SEC63: variants seen among roughly 807,000 people sequenced by gnomAD.
SEC63 encodes SEC63 protein translocation regulator.
In SEC63, 56 loss-of-function variants were observed where a neutral mutation model predicts 116.2. The ratio of observed to expected loss-of-function variants is 0.48; its 90% CI spans 0.39 to 0.60. SEC63 has a LOEUF of 0.60. SEC63 is among the 20% of genes least tolerant of loss of function. The probability of loss-of-function intolerance (pLI) is 0.00; values close to 1 mark genes in which losing one functional copy is unlikely to be tolerated. For missense variants in SEC63, 668 were observed against 900.0 expected, an observed-to-expected ratio of 0.74 and a Z score of 3.30; for synonymous variants, 273 against 294.6, an observed-to-expected ratio of 0.93 and a Z score of 0.75.
intron 14 of SEC63, 25 bp from the exon 15 acceptor site, chr6:107,893,922 A>G (rs1236813647): frequency 6.2e-7 from 1 of 1,611,040 alleles, no homozygotes; most frequent in Non-Finnish European, 8.5e-7. Context: ...GAAGAGAAAT[A>G]CAAAATCTGT....
At chr6:107,875,992 G>C (rs1786254964) in intron 19 of SEC63, among the ~76,000 whole-genome samples, 1 of 151,854 alleles carries the variant, frequency 6.6e-6, no homozygotes, top group African/African-American at 2.4e-5. Flanking sequence ...ACATCATAGG[G>C]CTATCTTGAA....
At chr6:107,931,114 G>A (rs1407143779) in intron 1 of SEC63, among the ~76,000 whole-genome samples, 1 of 151,976 alleles carries the variant, frequency 6.6e-6, no homozygotes, top group Non-Finnish European at 1.5e-5. Context: ...CGGATCACGA[G>A]GTCAGGAATT....
In SEC63 at chr6:107,869,467, CA is replaced by C. The variant is rs1303190315; in HGVS notation, c.*2236del. The stretch of plus-strand genomic sequence containing the variant: ...GATCTATAGGCTCATCAATTGTTGA[CA>C]AAATGTCAGTTTCTTTATAGGAAGA... On this transcript the variant is annotated 3_prime_UTR_variant, in exon 21 of 21. Transcript: ENST00000369002. The C allele has an allele frequency of 6.6e-6, 1 of 152,132 alleles. No individual in the cohort carries two copies. The highest frequency in any genetic ancestry group is 6.5e-5 in the Admixed American group (1 of 15,270). 9.4% of individuals were successfully genotyped at this position (152,132 alleles called of 1,614,324 possible). A position where few individuals can be genotyped will look rare whatever the true frequency, so the allele number is the denominator to read the frequency against.
chr6:107,871,954 G>T, intron 20 of SEC63, 107 bp from the exon 21 acceptor site: 1 of 1,063,890 alleles, frequency 9.4e-7, no homozygotes, highest in Non-Finnish European at 1.4e-6. Flanking sequence ...CAAAGAAATA[G>T]TTTTTTATGG....
chr6:107,898,421 T>C (rs150408643), intron 13 of SEC63, among the ~76,000 whole-genome samples: 15 of 152,286 alleles, frequency 9.8e-5, no homozygotes, highest in Admixed American at 3.9e-4. Context: ...AAAATAGGGT[T>C]CTGTCACCCT....
At chr6:107,900,772 C>T (rs922134135) in intron 13 of SEC63, among the ~76,000 whole-genome samples, 8 of 152,154 alleles carry the variant, frequency 5.3e-5, no homozygotes, top group Non-Finnish European at 1.0e-4. Flanking sequence ...CAGACCACCA[C>T]CACAATGAAA....
intron 1 of SEC63, 45 bp from the exon 2 acceptor site, chr6:107,929,559 A>T: frequency 1.7e-6 from 2 of 1,170,024 alleles, no homozygotes; most frequent in Non-Finnish European, 2.6e-6. Context: ...CATTTTTCAC[A>T]AGTGAAGGTA....
At chr6:107,906,335 C>A in intron 10 of SEC63, 113 bp downstream of exon 10, 1 of 1,144,804 alleles carries the variant, frequency 8.7e-7, no homozygotes, top group Middle Eastern at 2.0e-4. Flanking sequence ...ATTACCCAGC[C>A]TCAGGTATTT....
chr6:107,901,196 A>G (rs1264083549), intron 13 of SEC63, among the ~76,000 whole-genome samples, 174 bp downstream of exon 13: 2 of 152,236 alleles, frequency 1.3e-5, no homozygotes, highest in Non-Finnish European at 2.9e-5. Flanking sequence ...TTCTCAAACT[A>G]TTAGGTATAA....
intron 1 of SEC63, among the ~76,000 whole-genome samples, chr6:107,953,822 C>T (rs7775291): frequency 0.68 from 78,056 of 114,708 alleles, 26,933 homozygotes; most frequent in Middle Eastern, 0.88. Flanking sequence ...CCCGGCCAGC[C>T]GCCCCGTCCG....
In SEC63 at chr6:107,957,862, C is replaced by T. The variant is rs1444478706; in HGVS notation, c.124+24G>A. 3.1e-6 allele frequency: 5 copies of T among 1,600,576 alleles called. No individual in the cohort carries two copies. The African/African-American group carries it at 4.1e-5, about 13-fold the overall frequency. On this transcript the variant is annotated intron_variant, in intron 1 of 20. Transcript: ENST00000369002. ...CGCTGGCGGGGCCTGCGCGGGTTCG[C>T]GGGCAAAGGCCGGCGGGACTCACCG... is the stretch of plus-strand genomic sequence containing the variant.
At chr6:107,950,196 C>T (rs917397413) in intron 1 of SEC63, among the ~76,000 whole-genome samples, 4 of 152,244 alleles carry the variant, frequency 2.6e-5, no homozygotes, top group Admixed American at 1.3e-4. Context: ...AAAGACATTA[C>T]ATATTAGTAA....
At chr6:107,908,861 T>C (rs113064976) in intron 8 of SEC63, 66 bp downstream of exon 8, 11 of 833,800 alleles carry the variant, frequency 1.3e-5, no homozygotes, top group African/African-American at 6.7e-5. Flanking sequence ...TTAAGGAATA[T>C]ATATCAACCC....
chr6:107,900,033 GGT>G (rs1209839003), intron 13 of SEC63, among the ~76,000 whole-genome samples: 2 of 152,114 alleles, frequency 1.3e-5, no homozygotes, highest in African/African-American at 4.8e-5. Flanking sequence ...ATAAGCAGAG[GGT>G]ATGTCTTACC....
Position 107,906,451 on chromosome 6 carries a change from C to T in SEC63, c.958G>A (p.Glu320Lys), listed in dbSNP as rs749842172. 1.2e-6 allele frequency: 2 copies of T among 1,614,152 alleles called. No homozygotes were observed. Among genetic ancestry groups the T allele is most frequent in the Admixed American group, 3.3e-5 (2 of 60,024 alleles). ...ARMKIPETLE[E>K]DQQFMLKKCP... ...TAGATACCGGAATCACAAATACCTTCTTCAAGGGTCTCAGGAATTTTCATT... is the reference window on the plus strand; with the variant it reads ...TAGATACCGGAATCACAAATACCTTTTTCAAGGGTCTCAGGAATTTTCATT... The change falls in exon 10 of 21, where the codon GAA (glutamate) becomes AAA (lysine). Residue 320 changes from glutamate to lysine, a missense_variant. Physicochemically the swap from Glu to Lys is moderately conservative, Grantham distance 56. Coordinates refer to ENST00000369002, the MANE Select transcript of SEC63 (RefSeq NM_007214.5).
At chr6:107,906,386 G>A in intron 10 of SEC63, 62 bp downstream of exon 10, 1 of 1,550,856 alleles carries the variant, frequency 6.4e-7, no homozygotes, top group Admixed American at 1.7e-5. Context: ...ACACCATTAA[G>A]TCTAATTAAT....
At position 107,908,944 on chromosome 6, in the gene SEC63, C is replaced by T. The variant is rs1390760328; in HGVS notation, c.716G>A (p.Arg239Gln). The T allele has an allele frequency of 5.0e-6, 8 of 1,603,672 alleles. No homozygotes were observed. Among genetic ancestry groups the T allele is most frequent in the African/African-American group, 1.3e-5 (1 of 74,634 alleles). The change falls in exon 8 of 21, where the codon CGA becomes CAA. Residue 239 changes from arginine to glutamine, a missense_variant. Around this residue, in one of 5 missense-constraint regions of SEC63, gnomAD observed 430 missense variants for 557.5 expected, o/e 0.77. Coordinates refer to ENST00000369002, the MANE Select transcript of SEC63 (RefSeq NM_007214.5). Reference sequence around the variant, plus strand: ...TTACTTACGTTTCATATCCATATTTCGGGTTTTATAAACAAAGTATGTATA... The same window carrying T: ...TTACTTACGTTTCATATCCATATTTTGGGTTTTATAAACAAAGTATGTATA... ...QIYTYFVYKT[R>Q]NMDMKRLIMV...
chr6:107,905,112 G>A lies in SEC63; in HGVS notation c.962-391C>T, dbSNP rs1008456852. Among the ~76,000 whole-genome samples the A allele has an allele frequency of 7.2e-5, 11 of 152,180 alleles. No individual in the cohort carries two copies. The South Asian group carries it at 1.2e-3, about 17-fold the overall frequency. On this transcript the variant is annotated intron_variant, in intron 10 of 20. Coordinates refer to ENST00000369002, the MANE Select transcript of SEC63 (RefSeq NM_007214.5). ...AAGAGACGTAGAAGAGAAGAAGAGG[G>A]CAACTTACAGAAAGAGAAAGACTCT...
chr6:107,924,130 G>A (rs192820147), intron 3 of SEC63, among the ~76,000 whole-genome samples: 89 of 151,482 alleles, frequency 5.9e-4, no homozygotes, highest in Non-Finnish European at 1.0e-3. Context: ...CAGGCGTGAT[G>A]GCAGGTGCCT....
Sources: gnomAD v4.1 joint callset for allele counts (sites outside exome capture counted in the v4.1 genomes callset) on GRCh38, gnomAD v4.1.1 for gene constraint, gnomAD v4.1.1 regional missense constraint, MANE v1.5 for transcripts, NCBI Gene and HGNC (gene_info 2026-07-23, HGNC 2026-07-21) for gene names.